Variants in ABL2 observed in about 807,000 individuals in gnomAD.
ABL2 encodes the protein tyrosine-protein kinase ABL2.
ABL2 carries 49 observed loss-of-function variants against 107.7 expected under a neutral mutation model. The observed-to-expected ratio is 0.45, with a 90% CI of 0.36 to 0.58. The LOEUF (loss-of-function observed/expected upper bound fraction) is 0.58, where lower values mean the gene tolerates loss of function less well. Ranked by LOEUF, ABL2 falls within the 20% of genes least tolerant of loss-of-function variation. The pLI, the probability that ABL2 is intolerant of heterozygous loss-of-function variation, is 0.00. For missense variants in ABL2, 1,245 were observed against 1,457.0 expected, an observed-to-expected ratio of 0.85 and a Z score of 2.37; for synonymous variants, 549 against 548.6, an observed-to-expected ratio of 1.00 and a Z score of -0.01.
At chr1:179,117,212 G>A (rs2102610908) in intron 8 of ABL2, 120 bp downstream of exon 8, 1 of 1,024,928 alleles carries the variant, frequency 9.8e-7, no homozygotes. Context: ...CTGAATAACT[G>A]AAGAAGAATG....
intron 3 of ABL2, among the ~76,000 whole-genome samples, chr1:179,127,696 T>TC (rs1240553314): frequency 3.3e-5 from 5 of 152,108 alleles, no homozygotes; most frequent in African/African-American, 4.8e-5. Context: ...CACATCTACT[T>TC]CTTCAGTGTC....
intron 1 of ABL2, among the ~76,000 whole-genome samples, chr1:179,143,669 T>A (rs1022476972): frequency 3.9e-5 from 6 of 152,236 alleles, no homozygotes; most frequent in Non-Finnish European, 8.8e-5. Flanking sequence ...TTTTGAGTGT[T>A]AAAAGTTTAT....
chr1:179,110,166 A>C, intron 11 of ABL2, 116 bp downstream of exon 11: 5 of 1,263,080 alleles, frequency 4.0e-6, no homozygotes, highest in Non-Finnish European at 5.7e-6. Context: ...GGTAAAAGAG[A>C]CGCCATGCTT....
At chr1:179,124,054 T>C (rs969382330) in intron 4 of ABL2, among the ~76,000 whole-genome samples, 1 of 151,796 alleles carries the variant, frequency 6.6e-6, no homozygotes, top group Non-Finnish European at 1.5e-5. Flanking sequence ...ATCCTGGCTA[T>C]CATGGTGAAA....
At chr1:179,208,576 A>C (rs1316815513) in intron 1 of ABL2, among the ~76,000 whole-genome samples, 1 of 152,194 alleles carries the variant, frequency 6.6e-6, no homozygotes, top group African/African-American at 2.4e-5. Context: ...AATGAGGGAT[A>C]TCTCCCCTCA....
At chr1:179,117,593 T>C in intron 7 of ABL2, 77 bp from the exon 8 acceptor site, 1 of 1,484,862 alleles carries the variant, frequency 6.7e-7, no homozygotes, top group Non-Finnish European at 9.2e-7. Context: ...TTCTTGGTTT[T>C]GTGTTATAGG....
intron 1 of ABL2, among the ~76,000 whole-genome samples, chr1:179,217,477 T>C (rs1402510842): frequency 6.6e-6 from 1 of 151,510 alleles, no homozygotes; most frequent in Non-Finnish European, 1.5e-5. Flanking sequence ...AACACAAAAA[T>C]TAGCCGAGTG....
chr1:179,199,310 G>T (rs1661516543), intron 1 of ABL2, among the ~76,000 whole-genome samples: 1 of 152,114 alleles, frequency 6.6e-6, no homozygotes, highest in African/African-American at 2.4e-5. Context: ...AAATGACTTT[G>T]TATTTATGAT....
intron 1 of ABL2, among the ~76,000 whole-genome samples, chr1:179,153,486 C>CA (rs1192130542): frequency 2.0e-5 from 3 of 152,112 alleles, no homozygotes; most frequent in Admixed American, 6.5e-5. Context: ...TAGTGGCTGC[C>CA]AACATTCTTT....
chr1:179,124,700 T>C (rs1028897268), intron 4 of ABL2, among the ~76,000 whole-genome samples: 11 of 151,936 alleles, frequency 7.2e-5, no homozygotes, highest in Non-Finnish European at 1.3e-4. Context: ...TGACCTCCAG[T>C]GATGAGGCCC....
chr1:179,204,269 C>T (rs1322945682), intron 1 of ABL2, among the ~76,000 whole-genome samples: 1 of 151,834 alleles, frequency 6.6e-6, no homozygotes. Context: ...TCAGGTGATC[C>T]ACCCGCCTCT....
chr1:179,126,673 C>G lies in ABL2; in HGVS notation c.392-1G>C. 6.2e-7 allele frequency: 1 copy of G among 1,610,844 alleles called. No individual in the cohort carries two copies. Among genetic ancestry groups the G allele is most frequent in the Non-Finnish European group, 8.5e-7 (1 of 1,177,694 alleles). On this transcript the variant is annotated splice_acceptor_variant, in intron 3 of 11. Coordinates refer to ENST00000502732, the MANE Select transcript of ABL2 (RefSeq NM_007314.4). LOFTEE classifies it high-confidence loss of function. This position sits in a 1 kb window ranked among gnomAD's most constrained non-coding sequence, Gnocchi z 4.4. ...TAACCAAGGACTCGTAGCTTTTCACCTAGCCATAAGGTCATCACAGGATGA... is the reference window on the plus strand; with the variant it reads ...TAACCAAGGACTCGTAGCTTTTCACGTAGCCATAAGGTCATCACAGGATGA...
chr1:179,180,367 T>C (rs1037769511), intron 1 of ABL2, among the ~76,000 whole-genome samples: 2 of 152,188 alleles, frequency 1.3e-5, no homozygotes, highest in East Asian at 1.9e-4. Context: ...GAGTTGTATA[T>C]ACCCTGACTC....
chr1:179,169,095 C>T (rs1250216835), intron 1 of ABL2, among the ~76,000 whole-genome samples: 1 of 151,962 alleles, frequency 6.6e-6, no homozygotes, highest in Non-Finnish European at 1.5e-5. Flanking sequence ...TTTCTGCTTG[C>T]CTAATTCTTT....
chr1:179,181,041 C>T (rs1660349305), intron 1 of ABL2, among the ~76,000 whole-genome samples: 2 of 152,202 alleles, frequency 1.3e-5, no homozygotes, highest in South Asian at 4.1e-4. Context: ...CCAAAAAGAA[C>T]ACACATGGAT....
intron 1 of ABL2, chr1:179,202,066 AAAG>A: frequency 1.5e-5 from 4 of 262,630 alleles, no homozygotes; most frequent in Non-Finnish European, 1.9e-5. Flanking sequence ...TTTTGAGGCA[AAAG>A]AAAAAAAAAG....
chr1:179,194,619 A>C (rs748548522), intron 1 of ABL2, among the ~76,000 whole-genome samples: 1 of 152,356 alleles, frequency 6.6e-6, no homozygotes, highest in Non-Finnish European at 1.5e-5. Context: ...ACTGAAGAAT[A>C]CAAGGGCTCC....
At chr1:179,165,848 T>C (rs952732334) in intron 1 of ABL2, among the ~76,000 whole-genome samples, 2 of 151,180 alleles carry the variant, frequency 1.3e-5, no homozygotes, top group African/African-American at 4.9e-5. Context: ...CAGGCTGGAG[T>C]GTAGTGGCGC....
At chr1:179,148,895 G>A (rs1176702163) in intron 1 of ABL2, among the ~76,000 whole-genome samples, 3 of 126,650 alleles carry the variant, frequency 2.4e-5, no homozygotes, top group Admixed American at 9.2e-5. Context: ...GCAAGACTCC[G>A]TCTTGAAAAA....
Sources: gnomAD v4.1 joint callset for allele counts (sites outside exome capture counted in the v4.1 genomes callset) on GRCh38, gnomAD v4.1.1 for gene constraint, Gnocchi (gnomAD v3.1) non-coding constraint, MANE v1.5 for transcripts, NCBI Gene and HGNC (gene_info 2026-07-23, HGNC 2026-07-21) for gene names.